Variants in SMIM13 observed in about 807,000 individuals in gnomAD.
SMIM13 encodes the protein small integral membrane protein 13, also known as UPF0766 protein C6orf228.
In SMIM13, 3 loss-of-function variants were observed where a neutral mutation model predicts 5.9. That is an observed-to-expected ratio of 0.51 (90% CI 0.23 to 1.31). The LOEUF is 1.31. Among genes scored for constraint, SMIM13 ranks in the 40% most tolerant of loss-of-function variants. SMIM13 has a pLI of 0.18. For synonymous variants in SMIM13, 55 were observed against 46.0 expected, an observed-to-expected ratio of 1.19 and a Z score of -0.79; for missense variants, 85 against 109.9, an observed-to-expected ratio of 0.77 and a Z score of 1.01.
rs938401364 is a variant in SMIM13 at position 11,124,485 on chromosome 6, G to T, written c.77-9918G>T. 7.9e-5 allele frequency among the ~76,000 whole-genome samples: 12 copies of T among 152,210 alleles called. No individual in the cohort carries two copies. In the East Asian group the frequency reaches 2.1e-3, roughly 27 times the overall value. On this transcript the variant is annotated intron_variant, in intron 1 of 1. Coordinates refer to ENST00000416247, the MANE Select transcript of SMIM13 (RefSeq NM_001135575.2). ...AATGTAGGTATCTCTTCAGTATATC[G>T]ATTTCCTTTTTTTAGGGGGGTAGGT...
intron 1 of SMIM13, among the ~76,000 whole-genome samples, chr6:11,119,179 G>C (rs1160074374): frequency 6.6e-6 from 1 of 152,198 alleles, no homozygotes; most frequent in Admixed American, 6.5e-5. Context: ...CATAGAGATG[G>C]GGAGAGAATG....
chr6:11,106,661 C>G (rs926229110), intron 1 of SMIM13, among the ~76,000 whole-genome samples: 1 of 152,218 alleles, frequency 6.6e-6, no homozygotes, highest in Non-Finnish European at 1.5e-5. Context: ...GAGAGCAGTT[C>G]ACTGGGGAGA....
chr6:11,132,034 C>T (rs149626355), intron 1 of SMIM13, among the ~76,000 whole-genome samples: 1 of 152,192 alleles, frequency 6.6e-6, no homozygotes, highest in African/African-American at 2.4e-5. Context: ...TGATAAGCAT[C>T]TAATAGCTAG....
In SMIM13 at chr6:11,126,174, C is replaced by T. The variant is rs184296040; in HGVS notation, c.77-8229C>T. On this transcript the variant is annotated intron_variant, in intron 1 of 1. Coordinates refer to ENST00000416247, the MANE Select transcript of SMIM13 (RefSeq NM_001135575.2). Reference sequence around the variant, plus strand: ...AAGCAATTCTCCTGCCTCAGCCTCCCGAGTATCTGGGACTACAGGTGCGTG... The same window carrying T: ...AAGCAATTCTCCTGCCTCAGCCTCCTGAGTATCTGGGACTACAGGTGCGTG... 2.3e-3 allele frequency among the ~76,000 whole-genome samples: 344 copies of T among 152,234 alleles called. 2 individuals carry two copies. The highest frequency in any genetic ancestry group is 6.9e-3 in the African/African-American group (286 of 41,536).
intron 1 of SMIM13, among the ~76,000 whole-genome samples, chr6:11,115,151 G>C (rs910111370): frequency 6.6e-6 from 1 of 152,164 alleles, no homozygotes; most frequent in Non-Finnish European, 1.5e-5. Flanking sequence ...GTTGGGTACT[G>C]TTCCTGTCTC....
intron 1 of SMIM13, among the ~76,000 whole-genome samples, chr6:11,100,046 TTTTTTGTTTTTG>T (rs572329180): frequency 8.5e-4 from 129 of 152,188 alleles, no homozygotes; most frequent in East Asian, 5.2e-3. Flanking sequence ...GGTACATTGT[TTTTTTGTTTTTG>T]TTTTTGTTTT....
At chr6:11,101,938 C>G (rs1481678215) in intron 1 of SMIM13, among the ~76,000 whole-genome samples, 1 of 152,144 alleles carries the variant, frequency 6.6e-6, no homozygotes, top group Non-Finnish European at 1.5e-5. Context: ...CAGGGTTTCA[C>G]TATGTTGGCC....
Position 11,134,708 on chromosome 6 carries a change from T to A in SMIM13, c.*106T>A. The stretch of plus-strand genomic sequence containing the variant: ...AAGAACATTTGTATTGGATTTTAAG[T>A]CGAATTTTAAAAAAGATTTACATGT... On this transcript the variant is annotated 3_prime_UTR_variant, in exon 2 of 2. Transcript: ENST00000416247. 1.1e-6 allele frequency: 1 copy of A among 924,582 alleles called. No individual in the cohort carries two copies. Among genetic ancestry groups the A allele is most frequent in the Non-Finnish European group, 1.5e-6 (1 of 670,404 alleles). 57.3% of individuals were successfully genotyped at this position (924,582 alleles called of 1,614,324 possible). A position where few individuals can be genotyped will look rare whatever the true frequency, so the allele number is the denominator to read the frequency against.
chr6:11,132,614 G>A (rs1164816357), intron 1 of SMIM13, among the ~76,000 whole-genome samples: 1 of 152,120 alleles, frequency 6.6e-6, no homozygotes, highest in Non-Finnish European at 1.5e-5. Context: ...AAGTACTGAT[G>A]CTTACAACAC....
chr6:11,126,731 T>G (rs774297755), intron 1 of SMIM13, among the ~76,000 whole-genome samples: 1 of 152,114 alleles, frequency 6.6e-6, no homozygotes, highest in Non-Finnish European at 1.5e-5. Flanking sequence ...TTTATTATGG[T>G]CTTCACAATC....
chr6:11,137,823 AT>A lies in SMIM13; in HGVS notation c.*3225del, dbSNP rs1758534702. ...AATGAATATAAAATTCACTTGATGGATTTTGTAGTGATGTTTTCACAGTTGA... is the reference window on the plus strand; with the variant it reads ...AATGAATATAAAATTCACTTGATGGATTTGTAGTGATGTTTTCACAGTTGA... On this transcript the variant is annotated 3_prime_UTR_variant, in exon 2 of 2. Transcript: ENST00000416247. 6.6e-6 allele frequency: 1 copy of A among 152,134 alleles called. No homozygotes were observed. Among genetic ancestry groups the A allele is most frequent in the Non-Finnish European group, 1.5e-5 (1 of 68,020 alleles). 9.4% of individuals were successfully genotyped at this position (152,134 alleles called of 1,614,324 possible). A position where few individuals can be genotyped will look rare whatever the true frequency, so the allele number is the denominator to read the frequency against.
chr6:11,120,385 G>A (rs1412394542), intron 1 of SMIM13, among the ~76,000 whole-genome samples: 2 of 152,188 alleles, frequency 1.3e-5, no homozygotes, highest in Non-Finnish European at 2.9e-5. Context: ...GTGAGGGCCT[G>A]CTTCCTGGTT....
chr6:11,099,030 A>G (rs1319015874), intron 1 of SMIM13, among the ~76,000 whole-genome samples: 1 of 152,116 alleles, frequency 6.6e-6, no homozygotes, highest in South Asian at 2.1e-4. Context: ...TTATGTTTCT[A>G]TAATATACTG....
chr6:11,103,328 CATT>C (rs1248511802), intron 1 of SMIM13: 1 of 197,520 alleles, frequency 5.1e-6, no homozygotes, highest in Non-Finnish European at 1.0e-5. Context: ...AGCTGCCACT[CATT>C]ATTATGTTAG....
At chr6:11,112,162 T>A (rs1561755280) in intron 1 of SMIM13, among the ~76,000 whole-genome samples, 1 of 152,134 alleles carries the variant, frequency 6.6e-6, no homozygotes, top group Non-Finnish European at 1.5e-5. Context: ...CTGACATTCC[T>A]GAGCTGGGGG....
intron 1 of SMIM13, among the ~76,000 whole-genome samples, chr6:11,116,306 A>G (rs1758240040): frequency 1.3e-5 from 2 of 152,292 alleles, no homozygotes; most frequent in South Asian, 4.1e-4. Flanking sequence ...GGCATGAGCC[A>G]TTGCTCCTGG....
chr6:11,098,491 G>A (rs1031900002), intron 1 of SMIM13, among the ~76,000 whole-genome samples: 10 of 152,304 alleles, frequency 6.6e-5, no homozygotes, highest in Non-Finnish European at 1.2e-4. Flanking sequence ...GGAGTACAGT[G>A]GTGCAATCTT....
In SMIM13 at chr6:11,104,667, CA is replaced by C. The variant is rs777093759; in HGVS notation, c.76+10279del. ...AGAGCTGAGGTTGGAAATTTGCAGACATTGGTTATAATCAGCAGGCCGGAAC... is the reference window on the plus strand; with the variant it reads ...AGAGCTGAGGTTGGAAATTTGCAGACTTGGTTATAATCAGCAGGCCGGAAC... On this transcript the variant is annotated intron_variant, in intron 1 of 1. Transcript: ENST00000416247. 3 of 1,614,188 alleles carry C rather than the reference CA, an allele frequency of 1.9e-6. No individual in the cohort carries two copies. In the Admixed American group the frequency reaches 5.0e-5, roughly 27 times the overall value.
chr6:11,122,978 G>A (rs1482826822), intron 1 of SMIM13, among the ~76,000 whole-genome samples: 1 of 152,128 alleles, frequency 6.6e-6, no homozygotes, highest in African/African-American at 2.4e-5. Flanking sequence ...AGAGGCCAAG[G>A]CGGGAGAATC....
Sources: allele counts gnomAD v4.1 joint callset (sites outside exome capture counted in the v4.1 genomes callset), GRCh38; gene constraint gnomAD v4.1.1; transcripts MANE v1.5; gene names NCBI Gene and HGNC (gene_info 2026-07-23, HGNC 2026-07-21).